CCDC141: variants seen among roughly 807,000 people sequenced by gnomAD.
CCDC141 encodes the protein coiled-coil domain containing 141, also known as coiled-coil domain-containing protein 141.
A neutral mutation model predicts 181.0 loss-of-function variants in CCDC141; 168 were observed. That is an observed-to-expected ratio of 0.93 (90% confidence interval 0.82 to 1.05). The LOEUF is 1.05. CCDC141 is among the 50% of genes least tolerant of loss of function. The probability of loss-of-function intolerance (pLI) is 0.00; values close to 1 mark genes in which losing one functional copy is unlikely to be tolerated. For synonymous variants in CCDC141, 666 were observed against 642.3 expected (o/e 1.04, Z -0.56); for missense variants, 1,902 against 1,788.5 (o/e 1.06, Z -1.14).
rs1315055150 is a variant in CCDC141, at chr2:178,831,610, G to A, written c.*2563C>T. 6.6e-6 allele frequency: 1 copy of A among 152,160 alleles called. No individual in the cohort carries two copies. The highest frequency in any genetic ancestry group is 1.5e-5 in the Non-Finnish European group (1 of 68,034). The allele number at this position is 152,160 out of a possible 1,614,324, so 9.4% of individuals were successfully genotyped here. On this transcript the variant is annotated 3_prime_UTR_variant, in exon 24 of 24. Transcript: ENST00000443758. ...TTCCTAGGTCTTACATTTTTAACCAGTAACTGCAATTGATACTTTCATAAG... is the reference window on the plus strand; with the variant it reads ...TTCCTAGGTCTTACATTTTTAACCAATAACTGCAATTGATACTTTCATAAG...
rs148055092 is a variant in CCDC141 at position 178,842,071 on chromosome 2, CA to C, written c.3474+3554del. Among the ~76,000 whole-genome samples the C allele has an allele frequency of 2.9e-3, 440 of 149,200 alleles. 2 individuals are homozygous for C. Among genetic ancestry groups the C allele is most frequent in the African/African-American group, 9.8e-3 (401 of 40,816 alleles). On this transcript the variant is annotated intron_variant, in intron 22 of 23. Coordinates refer to ENST00000443758, the MANE Select transcript of CCDC141 (RefSeq NM_173648.4). ...ACCATAAAACCATGTTTGTTATTACCAAAAAAAAAATGTGTGTGTGTTATTT... is the reference window on the plus strand; with the variant it reads ...ACCATAAAACCATGTTTGTTATTACCAAAAAAAAATGTGTGTGTGTTATTT...
chr2:178,891,554 G>C (rs1687149618), intron 8 of CCDC141, among the ~76,000 whole-genome samples: 2 of 151,518 alleles, frequency 1.3e-5, no homozygotes, highest in Admixed American at 6.7e-5. Flanking sequence ...AGGCTCCTTT[G>C]AAACTGGCTG....
At chr2:178,993,025 A>G (rs1368821369) in intron 2 of CCDC141, among the ~76,000 whole-genome samples, 1 of 152,160 alleles carries the variant, frequency 6.6e-6, no homozygotes, top group South Asian at 2.1e-4. Flanking sequence ...TCTTTCCTTT[A>G]TAAATTAGCC....
At chr2:178,827,134 G>A (rs1214725970), downstream of CCDC141, among the ~76,000 whole-genome samples, 1 of 152,030 alleles carries the variant, frequency 6.6e-6, no homozygotes, top group Non-Finnish European at 1.5e-5. Flanking sequence ...GAAGTGTGCT[G>A]TTTAATCTAC....
intron 2 of CCDC141, among the ~76,000 whole-genome samples, chr2:178,982,747 G>A (rs777434348): frequency 1.8e-4 from 28 of 152,292 alleles, no homozygotes; most frequent in Middle Eastern, 3.4e-3. Context: ...CGAATACTGA[G>A]CTTTTCTGAC....
chr2:178,904,036 C>T (rs557806967), intron 8 of CCDC141, among the ~76,000 whole-genome samples: 39 of 152,200 alleles, frequency 2.6e-4, no homozygotes, highest in African/African-American at 9.1e-4. Flanking sequence ...TTGTTCAAGA[C>T]ATTTATACAT....
At chr2:178,978,355 T>C (rs923227339) in intron 3 of CCDC141, 129 bp downstream of exon 3, 2 of 498,472 alleles carry the variant, frequency 4.0e-6, no homozygotes, top group Non-Finnish European at 6.6e-6. Context: ...ATATTGTGTA[T>C]GTATGTTTTG....
intron 2 of CCDC141, among the ~76,000 whole-genome samples, chr2:178,997,409 C>A (rs1341421427): frequency 6.6e-6 from 1 of 152,028 alleles, no homozygotes; most frequent in Non-Finnish European, 1.5e-5. Flanking sequence ...CAGTATGTAT[C>A]AGTTAGTCAG....
chr2:178,908,975 A>G (rs541285161), intron 7 of CCDC141, among the ~76,000 whole-genome samples: 1 of 152,312 alleles, frequency 6.6e-6, no homozygotes, highest in Admixed American at 6.5e-5. Flanking sequence ...GTGACTGAGA[A>G]GAGCATGGCC....
chr2:178,944,827 C>CTCTACA (rs2154377292), intron 5 of CCDC141, among the ~76,000 whole-genome samples, 176 bp from the exon 6 acceptor site: 1 of 151,964 alleles, frequency 6.6e-6, no homozygotes, highest in East Asian at 1.9e-4. Flanking sequence ...TTCATTTAAC[C>CTCTACA]TCTACATGCA....
chr2:179,047,278 T>C lies in CCDC141; in HGVS notation c.225+6A>G. 1.3e-6 allele frequency: 2 copies of C among 1,521,806 alleles called. No homozygotes were observed. The highest frequency in any genetic ancestry group is 1.8e-6 in the Non-Finnish European group (2 of 1,139,492). 94.3% of individuals were successfully genotyped at this position (1,521,806 alleles called of 1,614,324 possible). A position where few individuals can be genotyped will look rare whatever the true frequency, so the allele number is the denominator to read the frequency against. On this transcript the variant is annotated splice_donor_region_variant and intron_variant, in intron 2 of 23. Coordinates refer to ENST00000443758, the MANE Select transcript of CCDC141 (RefSeq NM_173648.4). ...TTTGTTTCTGCTTCACATCTTAGTA[T>C]CTTACCTTGAGCTTGGCCAAAAGAA...
chr2:178,989,046 T>G (rs1471824335), intron 2 of CCDC141, among the ~76,000 whole-genome samples: 2 of 152,148 alleles, frequency 1.3e-5, no homozygotes, highest in African/African-American at 4.8e-5. Flanking sequence ...AACTATAAAA[T>G]TTTTAGAAGA....
chr2:178,936,540 G>C (rs1355529719), intron 6 of CCDC141, among the ~76,000 whole-genome samples: 2 of 152,148 alleles, frequency 1.3e-5, no homozygotes, highest in East Asian at 1.9e-4. Context: ...AATGCCTCCA[G>C]CTTTGTTCTT....
intron 2 of CCDC141, among the ~76,000 whole-genome samples, chr2:179,015,086 A>ACATACATATATAT (rs2042403020): frequency 4.7e-5 from 2 of 42,206 alleles, no homozygotes; most frequent in Admixed American, 3.8e-4. Context: ...ATATATATAT[A>ACATACATATATAT]TATATATATA....
chr2:179,018,869 CA>C lies in CCDC141; in HGVS notation c.225+28414del, dbSNP rs558484547. On this transcript the variant is annotated intron_variant, in intron 2 of 23. Transcript: ENST00000443758. ...TGAAGTTAGTGAAAAAGGTAAGTAG[CA>C]AAAAAAGTACAAATCAATGTTCTAA... 2.8e-3 allele frequency among the ~76,000 whole-genome samples: 420 copies of C among 151,646 alleles called. 3 individuals carry two copies. The highest frequency in any genetic ancestry group is 9.4e-3 in the African/African-American group (388 of 41,380).
chr2:178,927,690 G>C (rs11894328), intron 6 of CCDC141, among the ~76,000 whole-genome samples: 1 of 152,108 alleles, frequency 6.6e-6, no homozygotes, highest in Non-Finnish European at 1.5e-5. Context: ...AAAAGGAGTG[G>C]AGGTGGGGTG....
At chr2:178,930,612 T>C (rs568198955) in intron 6 of CCDC141, among the ~76,000 whole-genome samples, 29 of 152,242 alleles carry the variant, frequency 1.9e-4, no homozygotes, top group African/African-American at 6.7e-4. Context: ...AAGATAGACA[T>C]ATAGATTTAC....
At chr2:178,962,877 A>C (rs1041429704) in intron 4 of CCDC141, among the ~76,000 whole-genome samples, 1 of 152,034 alleles carries the variant, frequency 6.6e-6, no homozygotes, top group East Asian at 1.9e-4. Flanking sequence ...CTGACCCTGA[A>C]CTTTTCACTA....
At chr2:178,864,392 G>A (rs564988374) in intron 17 of CCDC141, among the ~76,000 whole-genome samples, 5 of 152,290 alleles carry the variant, frequency 3.3e-5, no homozygotes, top group South Asian at 2.1e-4. Context: ...TGTGATTGAC[G>A]TGTAAGCAGC....
Sources: allele counts gnomAD v4.1 joint callset (sites outside exome capture counted in the v4.1 genomes callset), GRCh38; gene constraint gnomAD v4.1.1; transcripts MANE v1.5; gene names NCBI Gene and HGNC (gene_info 2026-07-23, HGNC 2026-07-21).